EPHA3: variants seen among roughly 807,000 people sequenced by gnomAD.
EPHA3 encodes EPH receptor A3.
EPHA3 carries 42 observed loss-of-function variants against 107.1 expected under a neutral mutation model. That is an observed-to-expected ratio of 0.39 (90% CI 0.31 to 0.51). The LOEUF (loss-of-function observed/expected upper bound fraction) is 0.51, where lower values mean the gene tolerates loss of function less well. Ranked by LOEUF, EPHA3 falls within the 20% of genes least tolerant of loss-of-function variation. EPHA3 has a pLI of 0.78. For synonymous variants in EPHA3, 461 were observed against 424.8 expected (o/e 1.09, Z -1.05); for missense variants, 1,183 against 1,211.2 (o/e 0.98, Z 0.35).
Position 89,407,980 on chromosome 3 carries a change from T to C in EPHA3, c.1698-87T>C, listed in dbSNP as rs1709086050. The C allele has an allele frequency of 2.4e-6, 3 of 1,260,306 alleles. No individual in the cohort carries two copies. The East Asian group carries it at 7.2e-5, about 30-fold the overall frequency. 78.1% of individuals were successfully genotyped at this position (1,260,306 alleles called of 1,614,324 possible). ...ATTTAATTGTTTGAGGAAAATGTTT[T>C]ATTTTTATGCTTTGCACATTCTGAG... On this transcript the variant is annotated intron_variant, in intron 8 of 16. Coordinates refer to ENST00000336596, the MANE Select transcript of EPHA3 (RefSeq NM_005233.6).
At chr3:89,229,063 G>A (rs1704567124) in intron 3 of EPHA3, among the ~76,000 whole-genome samples, 1 of 151,856 alleles carries the variant, frequency 6.6e-6, no homozygotes, top group Non-Finnish European at 1.5e-5. Context: ...CTACAGAAAA[G>A]CATTCTTCTC....
intron 2 of EPHA3, among the ~76,000 whole-genome samples, chr3:89,172,704 A>G (rs1000412154): frequency 6.6e-5 from 10 of 152,204 alleles, no homozygotes; most frequent in Admixed American, 5.9e-4. Flanking sequence ...AACAATGTTG[A>G]AAAGAAAATG....
chr3:89,307,741 C>T (rs1374561479), intron 3 of EPHA3, among the ~76,000 whole-genome samples: 2 of 152,036 alleles, frequency 1.3e-5, no homozygotes, highest in Non-Finnish European at 2.9e-5. Flanking sequence ...TTTGCAGAGA[C>T]AGGGTCTGTT....
chr3:89,293,460 A>C (rs955503449), intron 3 of EPHA3, among the ~76,000 whole-genome samples: 1 of 152,084 alleles, frequency 6.6e-6, no homozygotes, highest in African/African-American at 2.4e-5. Context: ...CCAGATAATA[A>C]ATAGTTTAGA....
intron 5 of EPHA3, among the ~76,000 whole-genome samples, chr3:89,386,127 G>A (rs776807571): frequency 1.3e-5 from 2 of 152,152 alleles, no homozygotes; most frequent in African/African-American, 2.4e-5. Flanking sequence ...AAAATTTGCA[G>A]CCTGATAATG....
rs1705845783 is a variant in EPHA3 at position 89,277,797 on chromosome 3, T to A, written c.815-63119T>A. Among the ~76,000 whole-genome samples, 8 of 152,180 alleles carry A rather than the reference T, an allele frequency of 5.3e-5. No homozygotes were observed. In the South Asian group the frequency reaches 1.7e-3, roughly 31 times the overall value. On this transcript the variant is annotated intron_variant, in intron 3 of 16. Coordinates refer to ENST00000336596, the MANE Select transcript of EPHA3 (RefSeq NM_005233.6). Reference sequence around the variant, plus strand: ...TTTTCCCATTTATGAAAATTCCCTATGCATTAGCTAATATGATTTAAAGCA... The same window carrying A: ...TTTTCCCATTTATGAAAATTCCCTAAGCATTAGCTAATATGATTTAAAGCA...
intron 2 of EPHA3, among the ~76,000 whole-genome samples, chr3:89,144,449 G>A (rs572287598): frequency 1.3e-5 from 2 of 151,812 alleles, no homozygotes; most frequent in East Asian, 3.9e-4. Context: ...CTCTGTCCTT[G>A]TGTGCCTTCC....
intron 3 of EPHA3, among the ~76,000 whole-genome samples, chr3:89,318,253 G>C (rs2107374252): frequency 6.6e-6 from 1 of 152,024 alleles, no homozygotes; most frequent in South Asian, 2.1e-4. Flanking sequence ...TGAATGGAAA[G>C]TATGCTTTCT....
intron 6 of EPHA3, among the ~76,000 whole-genome samples, chr3:89,398,850 A>C (rs183308742): frequency 0.011 from 1,719 of 152,084 alleles, 37 homozygotes; most frequent in African/African-American, 0.039. Flanking sequence ...CCATGTTGGG[A>C]CAGGTGCGGT....
chr3:89,479,502 A>C lies in EPHA3; in HGVS notation c.2952A>C (p.Ter984TyrextTer51). ...TQSKNGPVPV[*>Y] is the part of the protein sequence containing the mutation. ...CAAAGAATGGCCCAGTTCCCGTGTA[A>C]AGCACGGGACGGAAGTGCTTCTGGA... The change falls in exon 17 of 17, where the codon TAA (stop) becomes TAC (tyrosine). Residue 984 changes from the stop codon to tyrosine, a stop_lost. Transcript: ENST00000336596. The C allele has an allele frequency of 6.2e-7, 1 of 1,610,698 alleles. No individual in the cohort carries two copies. The highest frequency in any genetic ancestry group is 8.5e-7 in the Non-Finnish European group (1 of 1,176,924).
intron 15 of EPHA3, among the ~76,000 whole-genome samples, chr3:89,460,729 C>T (rs1710212570): frequency 6.8e-6 from 1 of 146,720 alleles, no homozygotes; most frequent in African/African-American, 2.5e-5. Context: ...AATTCTGAAA[C>T]TGACAGGGTG....
At chr3:89,204,602 G>T (rs1706055436) in intron 2 of EPHA3, among the ~76,000 whole-genome samples, 1 of 103,092 alleles carries the variant, frequency 9.7e-6, no homozygotes, top group Non-Finnish European at 2.0e-5. Flanking sequence ...ATATATCTGT[G>T]TGTAAATGTG....
At chr3:89,336,040 G>A (rs950289368) in intron 3 of EPHA3, among the ~76,000 whole-genome samples, 6 of 152,086 alleles carry the variant, frequency 3.9e-5, no homozygotes, top group African/African-American at 1.4e-4. Flanking sequence ...TTTGTCTCTG[G>A]ATAAATCTTT....
At chr3:89,231,967 G>T (rs543472524) in intron 3 of EPHA3, among the ~76,000 whole-genome samples, 1 of 151,974 alleles carries the variant, frequency 6.6e-6, no homozygotes, top group Non-Finnish European at 1.5e-5. Flanking sequence ...GTTCTTTTTC[G>T]TCTTCCTTCT....
intron 13 of EPHA3, among the ~76,000 whole-genome samples, chr3:89,443,656 C>T (rs959334154): frequency 5.3e-5 from 8 of 152,204 alleles, no homozygotes; most frequent in African/African-American, 1.4e-4. Context: ...GACAGAACAA[C>T]GTGCTTTTTT....
At chr3:89,193,636 A>T (rs190966167) in intron 2 of EPHA3, among the ~76,000 whole-genome samples, 9 of 152,122 alleles carry the variant, frequency 5.9e-5, no homozygotes, top group African/African-American at 2.2e-4. Context: ...AGATATACTC[A>T]TTACCCTGAT....
intron 13 of EPHA3, among the ~76,000 whole-genome samples, chr3:89,435,637 A>G (rs969796558): frequency 6.8e-6 from 1 of 146,916 alleles, no homozygotes; most frequent in African/African-American, 2.5e-5. Context: ...TATAAATACT[A>G]TATATATGTG....
intron 2 of EPHA3, among the ~76,000 whole-genome samples, chr3:89,207,484 C>A (rs891785695): frequency 1.3e-5 from 2 of 152,150 alleles, no homozygotes; most frequent in South Asian, 4.1e-4. Flanking sequence ...GGAAAATATT[C>A]GTACAGATGA....
intron 2 of EPHA3, among the ~76,000 whole-genome samples, chr3:89,147,359 A>G (rs1482883198): frequency 6.6e-6 from 1 of 151,896 alleles, no homozygotes; most frequent in East Asian, 1.9e-4. Context: ...AAAAAGCCAC[A>G]GAGTGCTTTT....
Sources: gnomAD v4.1 joint callset for allele counts (sites outside exome capture counted in the v4.1 genomes callset) on GRCh38, gnomAD v4.1.1 for gene constraint, MANE v1.5 for transcripts, NCBI Gene and HGNC (gene_info 2026-07-23, HGNC 2026-07-21) for gene names.